The following ST7 variants were observed in gnomAD, a reference collection of about 807,000 sequenced individuals.
ST7 encodes suppressor of tumorigenicity 7 protein.
ST7 carries 28 observed loss-of-function variants against 78.7 expected under a neutral mutation model. That is an observed-to-expected ratio of 0.36 (90% CI 0.26 to 0.49). ST7 has a LOEUF of 0.49. Among genes scored for constraint, ST7 ranks in the 20% least tolerant of loss-of-function variants. ST7 has a pLI of 0.99. For missense variants in ST7, 418 were observed against 696.0 expected, an observed-to-expected ratio of 0.60 and a Z score of 4.49; for synonymous variants, 247 against 249.6, an observed-to-expected ratio of 0.99 and a Z score of 0.10.
At chr7:116,978,294 CG>C (rs1002656331) in intron 1 of ST7, among the ~76,000 whole-genome samples, 1 of 152,302 alleles carries the variant, frequency 6.6e-6, no homozygotes, top group Admixed American at 6.5e-5. Context: ...TGATATCCCC[CG>C]ATTTCCTTTT....
chr7:117,014,142 G>A (rs1359740209), intron 1 of ST7, among the ~76,000 whole-genome samples: 1 of 152,082 alleles, frequency 6.6e-6, no homozygotes, highest in Non-Finnish European at 1.5e-5. Flanking sequence ...GTTGGAAATT[G>A]TCCAACCATT....
intron 9 of ST7, among the ~76,000 whole-genome samples, chr7:117,142,074 A>G (rs1238590201): frequency 6.6e-6 from 1 of 151,988 alleles, no homozygotes; most frequent in Non-Finnish European, 1.5e-5. Context: ...CATGTTTGGT[A>G]ATTTTGCCTC....
chr7:117,136,244 TC>T lies in ST7; in HGVS notation c.865+11del. 3 of 1,613,622 alleles carry T rather than the reference TC, an allele frequency of 1.9e-6. No homozygotes were observed. The Admixed American group carries it at 5.0e-5, about 27-fold the overall frequency. ...GTATGAAGCCCAACATAGTAAGGTT[TC>T]CTGCAGGTTGATGCATTGGGGGATC... On this transcript the variant is annotated intron_variant, in intron 8 of 15. Transcript: ENST00000323984.
At chr7:117,226,464 A>C (rs1793453055) in intron 15 of ST7, among the ~76,000 whole-genome samples, 1 of 152,064 alleles carries the variant, frequency 6.6e-6, no homozygotes, top group Non-Finnish European at 1.5e-5. Flanking sequence ...TTCAGCAGTA[A>C]ATTTCCCCCT....
At chr7:117,228,171 A>G (rs1793570000) in intron 15 of ST7, among the ~76,000 whole-genome samples, 1 of 152,160 alleles carries the variant, frequency 6.6e-6, no homozygotes, top group African/African-American at 2.4e-5. Context: ...CATCCACTGG[A>G]GTCCATTTCA....
At chr7:116,989,872 A>C (rs1794349829) in intron 1 of ST7, among the ~76,000 whole-genome samples, 1 of 152,032 alleles carries the variant, frequency 6.6e-6, no homozygotes, top group Non-Finnish European at 1.5e-5. Context: ...GTGTCTGGTG[A>C]TCCTTGATTG....
chr7:117,150,079 A>T (rs936203128), intron 9 of ST7, among the ~76,000 whole-genome samples: 9 of 151,950 alleles, frequency 5.9e-5, no homozygotes, highest in Non-Finnish European at 2.9e-5. Flanking sequence ...CACCTTAATT[A>T]TTCTGTTGTT....
At chr7:117,177,272 T>C (rs2117302724) in intron 10 of ST7, among the ~76,000 whole-genome samples, 1 of 152,308 alleles carries the variant, frequency 6.6e-6, no homozygotes, top group Admixed American at 6.5e-5. Flanking sequence ...ATAGATGTCA[T>C]TTCAGTGAGG....
At chr7:116,964,685 G>C (rs948358312) in intron 1 of ST7, among the ~76,000 whole-genome samples, 2 of 152,074 alleles carry the variant, frequency 1.3e-5, no homozygotes, top group South Asian at 4.1e-4. Flanking sequence ...TATAATGTTT[G>C]GCCATTTTCA....
chr7:117,115,195 C>T (rs993403880), intron 2 of ST7, among the ~76,000 whole-genome samples: 2 of 152,170 alleles, frequency 1.3e-5, no homozygotes, highest in African/African-American at 4.8e-5. Context: ...TGCACCTCCA[C>T]TGAGATCAGT....
At chr7:117,135,209 G>T (rs1040257903) in intron 7 of ST7, among the ~76,000 whole-genome samples, 38 of 151,922 alleles carry the variant, frequency 2.5e-4, no homozygotes, top group Non-Finnish European at 7.4e-5. Flanking sequence ...CATATGCTTT[G>T]GAAGGTTTAA....
At chr7:117,093,557 C>T (rs962170222) in intron 1 of ST7, among the ~76,000 whole-genome samples, 3 of 152,172 alleles carry the variant, frequency 2.0e-5, no homozygotes, top group Non-Finnish European at 2.9e-5. Flanking sequence ...CAAAATTAGC[C>T]GGGTGTGGTG....
chr7:117,052,409 G>A (rs777867638), intron 1 of ST7, among the ~76,000 whole-genome samples: 39 of 152,006 alleles, frequency 2.6e-4, no homozygotes, highest in Non-Finnish European at 3.5e-4. Flanking sequence ...TTATATCTTT[G>A]CAACTTTCAG....
intron 12 of ST7, among the ~76,000 whole-genome samples, chr7:117,208,301 C>T (rs993802114): frequency 1.3e-5 from 2 of 152,116 alleles, no homozygotes; most frequent in Non-Finnish European, 2.9e-5. Flanking sequence ...ATAACAAACA[C>T]CTCTCATGGA....
chr7:117,140,333 C>G lies in ST7; in HGVS notation c.963+1801C>G, dbSNP rs539501226. On this transcript the variant is annotated intron_variant, in intron 9 of 15. Coordinates refer to ENST00000323984, the MANE Select transcript of ST7 (RefSeq NM_001369598.1). ...CCTGGATGTGGATCTCAGCTTTGCT[C>G]TTTACCAGCTTCATGACCCAAGGCA... is the stretch of plus-strand genomic sequence containing the variant. Among the ~76,000 whole-genome samples the G allele has an allele frequency of 7.2e-5, 11 of 152,218 alleles. No individual in the cohort carries two copies. In the East Asian group the frequency reaches 9.7e-4, roughly 13 times the overall value.
chr7:117,153,838 C>A (rs1235783051), intron 9 of ST7, among the ~76,000 whole-genome samples: 7 of 152,042 alleles, frequency 4.6e-5, no homozygotes, highest in Non-Finnish European at 7.4e-5. Flanking sequence ...AGAACTCTTG[C>A]AATAAGCTTA....
chr7:117,091,285 C>G (rs1800589251), intron 1 of ST7, among the ~76,000 whole-genome samples: 1 of 152,138 alleles, frequency 6.6e-6, no homozygotes, highest in Admixed American at 6.5e-5. Flanking sequence ...GCAGCAGAAG[C>G]AACAAATGAG....
intron 10 of ST7, chr7:117,187,848 C>G (rs1321080514): frequency 6.6e-6 from 1 of 152,096 alleles, no homozygotes; most frequent in Non-Finnish European, 1.5e-5. Flanking sequence ...TGAGTATACC[C>G]TAGAAAACAA....
chr7:117,115,480 G>C (rs1032932901), intron 2 of ST7, among the ~76,000 whole-genome samples: 5 of 150,844 alleles, frequency 3.3e-5, no homozygotes, highest in East Asian at 2.0e-4. Flanking sequence ...TCAGCCACCC[G>C]AGTAGCTGGG....
Sources: allele counts gnomAD v4.1 joint callset (sites outside exome capture counted in the v4.1 genomes callset), GRCh38; gene constraint gnomAD v4.1.1; transcripts MANE v1.5; gene names NCBI Gene and HGNC (gene_info 2026-07-23, HGNC 2026-07-21).